STK33: variants seen among roughly 807,000 people sequenced by gnomAD.
The protein encoded by STK33 is serine/threonine-protein kinase 33.
STK33 carries 52 observed loss-of-function variants against 58.0 expected under a neutral mutation model. That is an observed-to-expected ratio of 0.90 (90% CI 0.72 to 1.13). The LOEUF (loss-of-function observed/expected upper bound fraction) is 1.13. Ranked by LOEUF, STK33 falls within the 50% of genes most tolerant of loss-of-function variation. The pLI, the probability that STK33 is intolerant of heterozygous loss-of-function variation, is 0.00. For missense variants in STK33, 630 were observed against 604.2 expected (o/e 1.04, Z -0.45); for synonymous variants, 215 against 200.1 (o/e 1.07, Z -0.63).
At chr11:8,394,669 T>A (rs1849041247) in intron 15 of STK33, among the ~76,000 whole-genome samples, 1 of 152,206 alleles carries the variant, frequency 6.6e-6, no homozygotes, top group Non-Finnish European at 1.5e-5. Context: ...GTAGAATATT[T>A]TTCTTTTTCC....
chr11:8,397,270 G>C (rs1251802727), intron 15 of STK33, among the ~76,000 whole-genome samples: 1 of 152,232 alleles, frequency 6.6e-6, no homozygotes, highest in Non-Finnish European at 1.5e-5. Flanking sequence ...AAAACTTCCA[G>C]AGGAATGATC....
chr11:8,578,930 G>C (rs769254775), intron 1 of STK33, among the ~76,000 whole-genome samples: 46 of 152,078 alleles, frequency 3.0e-4, no homozygotes, highest in Non-Finnish European at 4.4e-4. Context: ...TGGAAGTAAT[G>C]ATAGTTACTG....
the STK33 span, among the ~76,000 whole-genome samples, chr11:8,380,833 C>T: frequency 1.3e-5 from 2 of 152,184 alleles, no homozygotes; most frequent in Non-Finnish European, 2.9e-5. Context: ...CGGAACCAAC[C>T]TAAGTGCCCA....
chr11:8,421,751 A>C (rs1446245467), intron 14 of STK33, among the ~76,000 whole-genome samples: 2 of 152,130 alleles, frequency 1.3e-5, no homozygotes, highest in East Asian at 3.8e-4. Flanking sequence ...TTTTCAATAA[A>C]ATGTTCTAAC....
At chr11:8,338,419 T>TAA in the STK33 span, among the ~76,000 whole-genome samples, 1 of 152,172 alleles carries the variant, frequency 6.6e-6, no homozygotes, top group Admixed American at 6.5e-5. Context: ...GGACGATGTC[T>TAA]CTGATCCTAT....
chr11:8,565,682 G>C (rs1957401131), intron 1 of STK33: 1 of 152,202 alleles, frequency 6.6e-6, no homozygotes, highest in Non-Finnish European at 1.5e-5. Context: ...GTAAGGGATA[G>C]GTACCATTAG....
chr11:8,398,742 G>C (rs1414079821), intron 15 of STK33, among the ~76,000 whole-genome samples: 1 of 150,076 alleles, frequency 6.7e-6, no homozygotes, highest in Non-Finnish European at 1.5e-5. Flanking sequence ...ACACACATAG[G>C]CTCAAAATAA....
At chr11:8,517,109 G>A (rs969600755) in intron 1 of STK33, among the ~76,000 whole-genome samples, 1 of 152,180 alleles carries the variant, frequency 6.6e-6, no homozygotes, top group Non-Finnish European at 1.5e-5. Context: ...ACCTCATACA[G>A]CCGGGTGCCC....
intron 1 of STK33, among the ~76,000 whole-genome samples, chr11:8,557,475 A>G (rs1956845150): frequency 6.6e-6 from 1 of 152,102 alleles, no homozygotes; most frequent in Non-Finnish European, 1.5e-5. Flanking sequence ...ACCTGTACTT[A>G]CACAAGGAAA....
At chr11:8,537,694 G>A (rs1444251328) in intron 1 of STK33, among the ~76,000 whole-genome samples, 2 of 150,906 alleles carry the variant, frequency 1.3e-5, no homozygotes, top group Admixed American at 1.3e-4. Flanking sequence ...ATCAAGACCA[G>A]GAGTTCAAGA....
At chr11:8,382,689 C>G in the STK33 span, among the ~76,000 whole-genome samples, 1 of 152,294 alleles carries the variant, frequency 6.6e-6, no homozygotes, top group Non-Finnish European at 1.5e-5. Context: ...CAAACCTCTC[C>G]TGTTTCCCAC....
rs143913954 is a variant in STK33, at chr11:8,402,578, C to T, written c.1345-9868G>A. Among the ~76,000 whole-genome samples the T allele has an allele frequency of 1.3e-3, 193 of 152,232 alleles. 1 individual carries two copies. In the East Asian group the frequency reaches 0.032, roughly 25 times the overall value. The stretch of plus-strand genomic sequence containing the variant: ...CATGTATACATATGTAACAAACCTG[C>T]ATGTTGTGCACATGTACCCTAAAAC... On this transcript the variant is annotated intron_variant, in intron 15 of 15. Coordinates refer to ENST00000687296, the MANE Select transcript of STK33 (RefSeq NM_001352389.2).
At chr11:8,376,269 G>A in the STK33 span, among the ~76,000 whole-genome samples, 665 of 152,308 alleles carry the variant, frequency 4.4e-3, 2 homozygotes, top group Non-Finnish European at 6.8e-3. Flanking sequence ...GTGTGTCTAA[G>A]CATGTCACGG....
At chr11:8,561,237 C>T (rs1957091057) in intron 1 of STK33, among the ~76,000 whole-genome samples, 1 of 152,066 alleles carries the variant, frequency 6.6e-6, no homozygotes, top group South Asian at 2.1e-4. Flanking sequence ...GGGACTAGGT[C>T]CTTGAATGTT....
chr11:8,424,833 G>A (rs1320023463), intron 14 of STK33, among the ~76,000 whole-genome samples: 2 of 117,664 alleles, frequency 1.7e-5, no homozygotes, highest in Admixed American at 8.1e-5. Context: ...TTTTGATGGG[G>A]TTGTTTTTTT....
At chr11:8,585,968 G>A (rs999509884) in intron 1 of STK33, among the ~76,000 whole-genome samples, 7 of 152,012 alleles carry the variant, frequency 4.6e-5, no homozygotes, top group East Asian at 1.9e-4. Flanking sequence ...CAGGAGAATC[G>A]CTTGAACCTG....
At chr11:8,551,759 C>A (rs1243683938) in intron 1 of STK33, among the ~76,000 whole-genome samples, 4 of 152,168 alleles carry the variant, frequency 2.6e-5, no homozygotes, top group African/African-American at 9.7e-5. Context: ...GCTTCCTAAT[C>A]TAGGAAAAAC....
At chr11:8,388,007 C>T (rs1848567763), downstream of STK33, among the ~76,000 whole-genome samples, 1 of 152,166 alleles carries the variant, frequency 6.6e-6, no homozygotes, top group African/African-American at 2.4e-5. Flanking sequence ...TGTGAAGATG[C>T]CACAGGATCT....
chr11:8,370,200 G>A, the STK33 span, among the ~76,000 whole-genome samples: 116 of 150,004 alleles, frequency 7.7e-4, no homozygotes, highest in Non-Finnish European at 1.4e-3. Flanking sequence ...CAAAAGATGA[G>A]GCTTTTTTTT....
Sources: gnomAD v4.1 joint callset for allele counts (sites outside exome capture counted in the v4.1 genomes callset) on GRCh38, gnomAD v4.1.1 for gene constraint, MANE v1.5 for transcripts, NCBI Gene and HGNC (gene_info 2026-07-23, HGNC 2026-07-21) for gene names.